The following ARID4B variants were observed in gnomAD, a reference collection of about 807,000 sequenced individuals.
ARID4B encodes AT-rich interaction domain 4B, also known as AT-rich interactive domain-containing protein 4B.
Under a neutral mutation model 147.5 loss-of-function variants are expected in ARID4B, and 26 were observed. The ratio of observed to expected loss-of-function variants is 0.18; its 90% CI spans 0.13 to 0.24. The LOEUF is 0.24. Among genes scored for constraint, ARID4B ranks in the 10% least tolerant of loss-of-function variants. ARID4B has a pLI of 1.00. For synonymous variants in ARID4B, 512 were observed against 507.9 expected (o/e 1.01, Z -0.11); for missense variants, 1,179 against 1,511.5 (o/e 0.78, Z 3.65).
At chr1:235,325,929 G>A (rs1675201940) in intron 2 of ARID4B, among the ~76,000 whole-genome samples, 1 of 152,106 alleles carries the variant, frequency 6.6e-6, no homozygotes, top group South Asian at 2.1e-4. Context: ...TGATTCTGAG[G>A]ACAAGTGAAA....
chr1:235,242,103 C>A (rs965846339), intron 7 of ARID4B, among the ~76,000 whole-genome samples: 1 of 151,948 alleles, frequency 6.6e-6, no homozygotes, highest in Non-Finnish European at 1.5e-5. Context: ...CAAAAATTAG[C>A]CAGGCATGGT....
chr1:235,179,509 G>A (rs1185458128), intron 20 of ARID4B, among the ~76,000 whole-genome samples: 1 of 73,236 alleles, frequency 1.4e-5, no homozygotes, highest in African/African-American at 4.8e-5. Flanking sequence ...GGCAACAAGA[G>A]CAAAACTCTA....
chr1:235,298,060 T>C (rs915586009), intron 2 of ARID4B, among the ~76,000 whole-genome samples: 8 of 152,172 alleles, frequency 5.3e-5, no homozygotes, highest in African/African-American at 1.7e-4. Flanking sequence ...AGTTGTACTA[T>C]GAAAGGAAAG....
At chr1:235,216,354 T>C (rs1295614669) in intron 16 of ARID4B, among the ~76,000 whole-genome samples, 4 of 151,940 alleles carry the variant, frequency 2.6e-5, no homozygotes, top group Non-Finnish European at 5.9e-5. Flanking sequence ...TATATATATA[T>C]ACTTTTTTTT....
intron 4 of ARID4B, 91 bp from the exon 5 acceptor site, chr1:235,255,841 A>T: frequency 1.3e-6 from 1 of 787,100 alleles, no homozygotes; most frequent in Non-Finnish European, 2.0e-6. Flanking sequence ...TGAGTGCATG[A>T]TGGTGAAGAA....
At chr1:235,322,842 C>T (rs2103311968) in intron 2 of ARID4B, among the ~76,000 whole-genome samples, 1 of 150,778 alleles carries the variant, frequency 6.6e-6, no homozygotes, top group Non-Finnish European at 1.5e-5. Context: ...GGGGAACGAA[C>T]TGACAGAGTG....
intron 8 of ARID4B, among the ~76,000 whole-genome samples, chr1:235,239,023 C>T (rs1668810932): frequency 6.6e-6 from 1 of 150,540 alleles, no homozygotes; most frequent in African/African-American, 2.5e-5. Flanking sequence ...TGCTCTGTCG[C>T]CCACACTGGA....
intron 2 of ARID4B, among the ~76,000 whole-genome samples, chr1:235,285,057 G>A (rs527298988): frequency 1.6e-4 from 24 of 152,084 alleles, no homozygotes; most frequent in Non-Finnish European, 2.9e-4. Flanking sequence ...GGACCTACAG[G>A]TGCAGACCAC....
chr1:235,220,076 G>T, intron 15 of ARID4B, 108 bp from the exon 16 acceptor site: 1 of 831,178 alleles, frequency 1.2e-6, no homozygotes, highest in Non-Finnish European at 1.7e-6. Context: ...AATATTAAAA[G>T]TTATAAATTA....
intron 17 of ARID4B, among the ~76,000 whole-genome samples, chr1:235,208,156 T>C (rs1666449981): frequency 6.6e-6 from 1 of 152,250 alleles, no homozygotes; most frequent in Admixed American, 6.5e-5. Context: ...AATATTGATG[T>C]ATTTTAAATT....
At chr1:235,245,545 T>G (rs1327853734) in intron 7 of ARID4B, among the ~76,000 whole-genome samples, 1 of 152,068 alleles carries the variant, frequency 6.6e-6, no homozygotes, top group Non-Finnish European at 1.5e-5. Flanking sequence ...TCCTATAATA[T>G]ATATAAAAAC....
chr1:235,235,118 T>G (rs1361095961), intron 8 of ARID4B, among the ~76,000 whole-genome samples: 1 of 151,956 alleles, frequency 6.6e-6, no homozygotes, highest in African/African-American at 2.4e-5. Flanking sequence ...ATTAGGGAAG[T>G]AGAAAGATGA....
At chr1:235,283,080 C>T (rs950568915) in intron 2 of ARID4B, among the ~76,000 whole-genome samples, 3 of 152,170 alleles carry the variant, frequency 2.0e-5, no homozygotes, top group Non-Finnish European at 4.4e-5. Flanking sequence ...CTGGCCGATA[C>T]TACTTCATTT....
chr1:235,173,288 G>T (rs1175850255), intron 22 of ARID4B, among the ~76,000 whole-genome samples: 1 of 152,172 alleles, frequency 6.6e-6, no homozygotes, highest in Non-Finnish European at 1.5e-5. Flanking sequence ...AGGTTGGAGT[G>T]AGCCGAGATT....
intron 2 of ARID4B, among the ~76,000 whole-genome samples, chr1:235,298,079 T>C (rs1672868325): frequency 6.6e-6 from 1 of 152,140 alleles, no homozygotes; most frequent in Non-Finnish European, 1.5e-5. Flanking sequence ...AGTTCAAGTG[T>C]GTCAGAGATA....
chr1:235,213,344 A>C (rs1666827515), intron 17 of ARID4B, among the ~76,000 whole-genome samples: 1 of 152,212 alleles, frequency 6.6e-6, no homozygotes, highest in South Asian at 2.1e-4. Context: ...TAAAATAGCT[A>C]ATGTTTCCTA....
At chr1:235,283,632 TA>T (rs1352775823) in intron 2 of ARID4B, among the ~76,000 whole-genome samples, 3 of 152,158 alleles carry the variant, frequency 2.0e-5, no homozygotes, top group African/African-American at 7.2e-5. Flanking sequence ...TAAGTACTAT[TA>T]TTTAACATTT....
chr1:235,268,674 G>A (rs1426131169), intron 2 of ARID4B, among the ~76,000 whole-genome samples: 3 of 152,008 alleles, frequency 2.0e-5, no homozygotes, highest in Non-Finnish European at 2.9e-5. Flanking sequence ...GATTACAGGC[G>A]CTCGCCACCA....
At chr1:235,316,377 C>T (rs1674432577) in intron 2 of ARID4B, among the ~76,000 whole-genome samples, 1 of 151,748 alleles carries the variant, frequency 6.6e-6, no homozygotes, top group Non-Finnish European at 1.5e-5. Flanking sequence ...GGTGTTGTGG[C>T]ACACGCCTGT....
Sources: allele counts gnomAD v4.1 joint callset (sites outside exome capture counted in the v4.1 genomes callset), GRCh38; gene constraint gnomAD v4.1.1; transcripts MANE v1.5; gene names NCBI Gene and HGNC (gene_info 2026-07-23, HGNC 2026-07-21).